Variants in TRAPPC10 observed in about 807,000 individuals in gnomAD.
The protein encoded by TRAPPC10 is trafficking protein particle complex subunit 10.
Under a neutral mutation model 125.5 loss-of-function variants are expected in TRAPPC10, and 23 were observed. The observed-to-expected ratio is 0.18, with a 90% CI of 0.13 to 0.26. The LOEUF is 0.26. Among genes scored for constraint, TRAPPC10 ranks in the 10% least tolerant of loss-of-function variants. TRAPPC10 has a pLI of 1.00. For missense variants in TRAPPC10, 1,123 were observed against 1,308.4 expected (o/e 0.86, Z 2.19); for synonymous variants, 509 against 518.0 (o/e 0.98, Z 0.24).
intron 3 of TRAPPC10, among the ~76,000 whole-genome samples, chr21:44,044,434 A>C (rs1351280673): frequency 6.6e-6 from 1 of 152,064 alleles, no homozygotes; most frequent in African/African-American, 2.4e-5. Flanking sequence ...TAGGACTTAT[A>C]GAGTACATCT....
At chr21:44,079,983 G>T (rs1331158213) in intron 12 of TRAPPC10, 32 bp from the exon 13 acceptor site, 3 of 1,585,554 alleles carry the variant, frequency 1.9e-6, no homozygotes, top group Non-Finnish European at 1.7e-6. Context: ...CTAAGTATGA[G>T]CCTCTCCACG....
Position 44,079,610 on chromosome 21 carries a change from C to T in TRAPPC10, c.1516C>T (p.Leu506=), listed in dbSNP as rs748191830. The change falls in exon 12 of 23, where the codon CTG becomes TTG. Residue 506 remains leucine (L), a synonymous_variant. Coordinates refer to ENST00000291574, the MANE Select transcript of TRAPPC10 (RefSeq NM_003274.5). Reference sequence around the variant, plus strand: ...GGCAGAAATCTATCTTCAAGGAGCACTGAAAAACTACCTGGCTGAGGGCTG... The same window carrying T: ...GGCAGAAATCTATCTTCAAGGAGCATTGAAAAACTACCTGGCTGAGGGCTG... The part of the protein sequence containing the change: ...QKAEIYLQGA[L]KNYLAEGWAL... 8.1e-6 allele frequency: 13 copies of T among 1,607,732 alleles called. No homozygotes were observed. Among genetic ancestry groups the T allele is most frequent in the Admixed American group, 1.7e-5 (1 of 57,650 alleles).
At chr21:44,081,106 T>G (rs2037704978) in intron 13 of TRAPPC10, among the ~76,000 whole-genome samples, 1 of 150,388 alleles carries the variant, frequency 6.6e-6, no homozygotes, top group Admixed American at 6.6e-5. Flanking sequence ...GCCTCAACCT[T>G]CTGGAGTCAA....
At chr21:44,056,434 T>G (rs1261996915) in intron 5 of TRAPPC10, among the ~76,000 whole-genome samples, 2 of 152,056 alleles carry the variant, frequency 1.3e-5, no homozygotes, top group African/African-American at 4.8e-5. Context: ...CCCCAAGATG[T>G]CTGTCAGCTA....
Position 44,063,418 on chromosome 21 carries a change from G to A in TRAPPC10, c.791-120G>A. 1 of 1,426,858 alleles carries A rather than the reference G, an allele frequency of 7.0e-7. No individual in the cohort carries two copies. Among genetic ancestry groups the A allele is most frequent in the Non-Finnish European group, 9.5e-7 (1 of 1,050,816 alleles). The allele number at this position is 1,426,858 out of a possible 1,614,324, so 88.4% of individuals were successfully genotyped here. On this transcript the variant is annotated intron_variant, in intron 6 of 22. Transcript: ENST00000291574. The surrounding 1 kb of genome is among the most constrained non-coding windows in gnomAD (Gnocchi z 4.4). The stretch of plus-strand genomic sequence containing the variant: ...TCACTAGACCACAGGGGGTGGGCCA[G>A]TGTTCATAGAAAAACTGGTTATGAA...
At chr21:44,027,748 A>G (rs1297560252) in intron 1 of TRAPPC10, among the ~76,000 whole-genome samples, 4 of 152,156 alleles carry the variant, frequency 2.6e-5, no homozygotes. Flanking sequence ...CAGCTGTTCC[A>G]TGACCCTAAT....
At chr21:44,034,330 CA>C (rs2033819984) in intron 2 of TRAPPC10, among the ~76,000 whole-genome samples, 1 of 101,712 alleles carries the variant, frequency 9.8e-6, no homozygotes, top group East Asian at 2.7e-4. Flanking sequence ...CCCACTCCCC[CA>C]ACCCCCCCCC....
intron 4 of TRAPPC10, among the ~76,000 whole-genome samples, chr21:44,054,791 G>A (rs2035454680): frequency 1.3e-5 from 2 of 152,190 alleles, no homozygotes; most frequent in African/African-American, 4.8e-5. Context: ...AGGCTAGTGG[G>A]AGGGATAGAG....
rs749860063 is a variant in TRAPPC10 at position 44,087,976 on chromosome 21, C to CGCCT, written c.2769+55_2769+58dup. Reference sequence around the variant, plus strand: ...CTTAGCTTGTGGGGCGTCCGCCGCCCGCCTGCCTGCTGGGAAAGGCGATGT... The same window carrying CGCCT: ...CTTAGCTTGTGGGGCGTCCGCCGCCCGCCTGCCTGCCTGCTGGGAAAGGCGATGT... On this transcript the variant is annotated intron_variant, in intron 17 of 22. Transcript: ENST00000291574. The surrounding 1 kb of genome is among the most constrained non-coding windows in gnomAD (Gnocchi z 4.6). 155 of 1,518,166 alleles carry CGCCT rather than the reference C, an allele frequency of 1.0e-4. No homozygotes were observed. The highest frequency in any genetic ancestry group is 1.2e-4 in the Non-Finnish European group (139 of 1,112,804). 94.0% of individuals were successfully genotyped at this position (1,518,166 alleles called of 1,614,324 possible). A position where few individuals can be genotyped will look rare whatever the true frequency, so the allele number is the denominator to read the frequency against.
chr21:44,089,368 A>G, intron 17 of TRAPPC10: 1 of 361,110 alleles, frequency 2.8e-6, no homozygotes, highest in South Asian at 2.0e-5. Context: ...GTTTTCAGTT[A>G]CATATTCAGC....
Position 44,055,807 on chromosome 21 carries a change from C to T in TRAPPC10, c.592C>T (p.Leu198=). 6.2e-7 allele frequency: 1 copy of T among 1,613,884 alleles called. No homozygotes were observed. The highest frequency in any genetic ancestry group is 8.5e-7 in the Non-Finnish European group (1 of 1,179,842). Residue 198 remains leucine (L), a synonymous_variant, in exon 5 of 23, where the codon CTA becomes TTA. Coordinates refer to ENST00000291574, the MANE Select transcript of TRAPPC10 (RefSeq NM_003274.5). ...GCTTCTTATGTCTTTTACCAAAAAC[C>T]TAGGCAAGTTTGAGGATGACATGAG... ...TLLLMSFTKN[L]GKFEDDMRTL... is the part of the protein sequence containing the mutation.
chr21:44,025,812 G>A (rs1479980701), intron 1 of TRAPPC10, among the ~76,000 whole-genome samples: 1 of 150,518 alleles, frequency 6.6e-6, no homozygotes, highest in Non-Finnish European at 1.5e-5. Flanking sequence ...GAGAGCAGCA[G>A]AGGGCAGGGG....
intron 1 of TRAPPC10, among the ~76,000 whole-genome samples, chr21:44,022,010 G>T (rs2032554824): frequency 6.6e-6 from 1 of 150,976 alleles, no homozygotes; most frequent in South Asian, 2.1e-4. Flanking sequence ...AAGCCACCCA[G>T]TCTATGGCAT....
At chr21:44,018,972 A>G (rs1267939644) in intron 1 of TRAPPC10, among the ~76,000 whole-genome samples, 1 of 152,124 alleles carries the variant, frequency 6.6e-6, no homozygotes, top group African/African-American at 2.4e-5. Flanking sequence ...ACTGATCTCC[A>G]AGTACTGACC....
At chr21:44,068,986 T>C (rs1291764042) in intron 7 of TRAPPC10, among the ~76,000 whole-genome samples, 3 of 152,170 alleles carry the variant, frequency 2.0e-5, no homozygotes, top group Non-Finnish European at 4.4e-5. Flanking sequence ...TAAAAACAAA[T>C]CTTGATCTCA....
At position 44,087,570 on chromosome 21, in the gene TRAPPC10, G is replaced by A; in HGVS notation, c.2540-129G>A. The stretch of plus-strand genomic sequence containing the variant: ...TCCTAGGGGCCTTGTTCTTGGGTTT[G>A]CCTGCCAGGTGCGCAGGAGCGGGAG... On this transcript the variant is annotated intron_variant, in intron 16 of 22. Transcript: ENST00000291574. The surrounding 1 kb of genome is among the most constrained non-coding windows in gnomAD (Gnocchi z 4.6). 1.3e-6 allele frequency: 1 copy of A among 791,988 alleles called. No homozygotes were observed. Among genetic ancestry groups the A allele is most frequent in the South Asian group, 1.6e-5 (1 of 61,120 alleles). The allele number at this position is 791,988 out of a possible 1,614,324, so 49.1% of individuals were successfully genotyped here.
chr21:44,071,042 G>A (rs1234488540), intron 7 of TRAPPC10, among the ~76,000 whole-genome samples: 1 of 152,200 alleles, frequency 6.6e-6, no homozygotes, highest in Admixed American at 6.5e-5. Context: ...GGTTTAATAA[G>A]CAGCAGTGAA....
At chr21:44,032,214 T>G (rs754295939) in intron 2 of TRAPPC10, 42 bp downstream of exon 2, 11 of 1,505,560 alleles carry the variant, frequency 7.3e-6, no homozygotes, top group Non-Finnish European at 8.2e-6. Flanking sequence ...TCTCTTCATT[T>G]TTTAAAATGA....
Position 44,019,548 on chromosome 21 carries a change from G to A in TRAPPC10, c.67+6988G>A, listed in dbSNP as rs143351464. Among the ~76,000 whole-genome samples the A allele has an allele frequency of 3.6e-3, 551 of 152,258 alleles. 2 individuals carry two copies. The highest frequency in any genetic ancestry group is 0.012 in the African/African-American group (514 of 41,552). ...AATATTTGTTTTTAAATTAAAAATT[G>A]ATAACCTTGGAGTCATTTATGACTT... On this transcript the variant is annotated intron_variant, in intron 1 of 22. Transcript: ENST00000291574.
Sources: gnomAD v4.1 joint callset for allele counts (sites outside exome capture counted in the v4.1 genomes callset) on GRCh38, gnomAD v4.1.1 for gene constraint, Gnocchi (gnomAD v3.1) non-coding constraint, MANE v1.5 for transcripts, NCBI Gene and HGNC (gene_info 2026-07-23, HGNC 2026-07-21) for gene names.